Variants in LSAMP observed in about 807,000 individuals in gnomAD.
LSAMP encodes the protein limbic system-associated membrane protein.
In LSAMP, 7 loss-of-function variants were observed where a neutral mutation model predicts 38.6. That is an observed-to-expected ratio of 0.18 (90% CI 0.10 to 0.34). The LOEUF (loss-of-function observed/expected upper bound fraction) is 0.34, where lower values mean the gene tolerates loss of function less well. LSAMP is among the 10% of genes least tolerant of loss of function. The probability of loss-of-function intolerance (pLI) is 1.00; values close to 1 mark genes in which losing one functional copy is unlikely to be tolerated. For synonymous variants in LSAMP, 154 were observed against 166.8 expected, an observed-to-expected ratio of 0.92 and a Z score of 0.59; for missense variants, 313 against 420.0, an observed-to-expected ratio of 0.75 and a Z score of 2.23.
At chr3:116,195,831 T>C (rs993423213) in intron 1 of LSAMP, among the ~76,000 whole-genome samples, 1 of 152,170 alleles carries the variant, frequency 6.6e-6, no homozygotes, top group Non-Finnish European at 1.5e-5. Flanking sequence ...CAATATTAGA[T>C]TGTTCCTAGT....
intron 2 of LSAMP, among the ~76,000 whole-genome samples, chr3:116,064,353 C>A (rs538895775): frequency 6.6e-6 from 1 of 152,098 alleles, no homozygotes; most frequent in East Asian, 1.9e-4. Context: ...TGGTGAAACC[C>A]CGTCTCTACT....
intron 1 of LSAMP, among the ~76,000 whole-genome samples, chr3:116,345,185 A>C (rs1217597155): frequency 1.3e-5 from 2 of 152,184 alleles, no homozygotes; most frequent in African/African-American, 4.8e-5. Context: ...TAGCCAATGT[A>C]CAAAAAAAAG....
intron 6 of LSAMP, among the ~76,000 whole-genome samples, chr3:115,819,247 A>G (rs995328425): frequency 2.0e-5 from 3 of 151,982 alleles, no homozygotes; most frequent in Non-Finnish European, 4.4e-5. Context: ...AGTTCGACCA[A>G]CACAGTGAAA....
intron 1 of LSAMP, among the ~76,000 whole-genome samples, chr3:116,242,504 T>C (rs1364319122): frequency 6.6e-6 from 1 of 152,206 alleles, no homozygotes; most frequent in Non-Finnish European, 1.5e-5. Context: ...GTCAGCTTCA[T>C]TTCTTTTTCT....
intron 1 of LSAMP, among the ~76,000 whole-genome samples, chr3:116,173,504 T>G (rs1710256428): frequency 6.6e-6 from 1 of 152,074 alleles, no homozygotes; most frequent in African/African-American, 2.4e-5. Context: ...AAAAAATGTG[T>G]AAATCATTTT....
chr3:116,385,346 C>T (rs2107806037), intron 1 of LSAMP, among the ~76,000 whole-genome samples: 1 of 152,266 alleles, frequency 6.6e-6, no homozygotes, highest in Non-Finnish European at 1.5e-5. Flanking sequence ...GAGACAACTT[C>T]TTAGAACACA....
rs533366879 is a variant in LSAMP, at chr3:116,270,459, T to C, written c.155+174418A>G. 6.6e-5 allele frequency among the ~76,000 whole-genome samples: 10 copies of C among 152,236 alleles called. No individual in the cohort carries two copies. In the South Asian group the frequency reaches 2.1e-3, roughly 32 times the overall value. ...CAACAATTGTGATTGTTTTAGCAGTTGAGTTTGCAGAATGACTTCAGTAAT... is the reference window on the plus strand; with the variant it reads ...CAACAATTGTGATTGTTTTAGCAGTCGAGTTTGCAGAATGACTTCAGTAAT... On this transcript the variant is annotated intron_variant, in intron 1 of 6. Transcript: ENST00000490035.
In LSAMP at chr3:116,275,648, C is replaced by A. The variant is rs958218595; in HGVS notation, c.155+169229G>T. On this transcript the variant is annotated intron_variant, in intron 1 of 6. Transcript: ENST00000490035. ...TTGTGAAAGCCAAATAATATTCTTC[C>A]CAGACGTTTGCAGGCGGGACTGTGT... Among the ~76,000 whole-genome samples the A allele has an allele frequency of 2.0e-5, 3 of 152,088 alleles. No homozygotes were observed. The East Asian group carries it at 5.8e-4, about 29-fold the overall frequency.
chr3:116,286,524 C>T (rs7651486), intron 1 of LSAMP, among the ~76,000 whole-genome samples: 39 of 152,262 alleles, frequency 2.6e-4, no homozygotes, highest in African/African-American at 6.3e-4. Context: ...CTTTCAGGCT[C>T]ATGTCCTCAG....
chr3:115,873,881 G>A (rs968294338), intron 3 of LSAMP, among the ~76,000 whole-genome samples: 1 of 152,034 alleles, frequency 6.6e-6, no homozygotes, highest in African/African-American at 2.4e-5. Context: ...CTTCCCATTT[G>A]TTCCCTCTAA....
intron 1 of LSAMP, among the ~76,000 whole-genome samples, chr3:116,235,002 CT>C (rs941477036): frequency 6.8e-6 from 1 of 148,134 alleles, no homozygotes; most frequent in African/African-American, 2.5e-5. Flanking sequence ...TGACAATGAA[CT>C]TTTTTTATGT....
At chr3:116,293,885 T>C (rs1208817057) in intron 1 of LSAMP, among the ~76,000 whole-genome samples, 3 of 152,098 alleles carry the variant, frequency 2.0e-5, no homozygotes, top group Non-Finnish European at 4.4e-5. Context: ...AAATGTACTC[T>C]TTTCTCTCTC....
intron 3 of LSAMP, among the ~76,000 whole-genome samples, chr3:116,018,893 T>C (rs1483032705): frequency 6.6e-6 from 1 of 152,136 alleles, no homozygotes; most frequent in Non-Finnish European, 1.5e-5. Flanking sequence ...TCATGCAGCT[T>C]AGTCCATGTC....
chr3:116,133,917 C>T (rs13078076), intron 1 of LSAMP, among the ~76,000 whole-genome samples: 111,067 of 151,970 alleles, frequency 0.73, 41,774 homozygotes, highest in East Asian at 0.9. Context: ...TGGATATTGA[C>T]TTATGAGGCT....
rs1429424247 is a variant in LSAMP at position 116,140,897 on chromosome 3, GA to G, written c.156-54342del. 3.3e-5 allele frequency among the ~76,000 whole-genome samples: 5 copies of G among 152,040 alleles called. No homozygotes were observed. In the East Asian group the frequency reaches 9.7e-4, roughly 29 times the overall value. On this transcript the variant is annotated intron_variant, in intron 1 of 6. Transcript: ENST00000490035. ...GGTTTCTGGAAAAGAAGAATAGGAA[GA>G]AAAGAAGAGGGAGAAGGATAAAAGA...
Position 115,957,312 on chromosome 3 carries a change from G to A in LSAMP, c.514+62203C>T, listed in dbSNP as rs891213933. 5.9e-5 allele frequency among the ~76,000 whole-genome samples: 9 copies of A among 152,274 alleles called. No homozygotes were observed. The South Asian group carries it at 1.0e-3, about 18-fold the overall frequency. The stretch of plus-strand genomic sequence containing the variant: ...GCTAAAGCCACTACACAAATGGCTC[G>A]TGTTGAAAAACAGAGCCTGTTTGTT... On this transcript the variant is annotated intron_variant, in intron 3 of 6. Coordinates refer to ENST00000490035, the MANE Select transcript of LSAMP (RefSeq NM_002338.5).
At chr3:116,100,195 G>A (rs1708315036) in intron 1 of LSAMP, among the ~76,000 whole-genome samples, 1 of 151,650 alleles carries the variant, frequency 6.6e-6, no homozygotes, top group Admixed American at 6.6e-5. Context: ...AATCCTCCCA[G>A]CTCAGTCTCC....
intron 1 of LSAMP, among the ~76,000 whole-genome samples, chr3:116,185,677 CAACAGA>C (rs1710598002): frequency 6.6e-6 from 1 of 151,994 alleles, no homozygotes; most frequent in African/African-American, 2.4e-5. Context: ...TTAACATATT[CAACAGA>C]TGTTGAATAT....
At chr3:116,294,007 A>C (rs1195819787) in intron 1 of LSAMP, among the ~76,000 whole-genome samples, 1 of 152,042 alleles carries the variant, frequency 6.6e-6, no homozygotes, top group Non-Finnish European at 1.5e-5. Context: ...CATTTACTTC[A>C]TTGGTTGTTT....
Sources: gnomAD v4.1 joint callset for allele counts (sites outside exome capture counted in the v4.1 genomes callset) on GRCh38, gnomAD v4.1.1 for gene constraint, MANE v1.5 for transcripts, NCBI Gene and HGNC (gene_info 2026-07-23, HGNC 2026-07-21) for gene names.